Variants in FOXN3 observed in about 807,000 individuals in gnomAD.
FOXN3 encodes the protein forkhead box N3.
FOXN3 carries 7 observed loss-of-function variants against 38.4 expected under a neutral mutation model. The observed-to-expected ratio is 0.18, with a 90% CI of 0.10 to 0.34. The LOEUF is 0.34. Ranked by LOEUF, FOXN3 falls within the 10% of genes least tolerant of loss-of-function variation. FOXN3 has a pLI of 1.00. For synonymous variants in FOXN3, 230 were observed against 242.2 expected, an observed-to-expected ratio of 0.95 and a Z score of 0.47; for missense variants, 456 against 613.4, an observed-to-expected ratio of 0.74 and a Z score of 2.71.
chr14:89,389,484 TTCTCAA>T (rs1416932292), intron 2 of FOXN3, among the ~76,000 whole-genome samples: 1 of 152,196 alleles, frequency 6.6e-6, no homozygotes, highest in Non-Finnish European at 1.5e-5. Context: ...ATTTCCCTCT[TTCTCAA>T]TTGATGTGTT....
chr14:89,488,566 G>A (rs1037757169), intron 1 of FOXN3, among the ~76,000 whole-genome samples: 1 of 150,620 alleles, frequency 6.6e-6, no homozygotes, highest in African/African-American at 2.4e-5. Flanking sequence ...AGAGGGAGGA[G>A]CATCTGAACT....
At chr14:89,476,379 C>T (rs1040542882) in intron 1 of FOXN3, among the ~76,000 whole-genome samples, 18 of 152,198 alleles carry the variant, frequency 1.2e-4, no homozygotes, top group African/African-American at 4.1e-4. Context: ...CCGGCAGATG[C>T]CCCTGCTCGG....
chr14:89,329,855 CAAAAAAAAAAAAAAAAA>C (rs57791098), intron 3 of FOXN3, among the ~76,000 whole-genome samples: 1,779 of 59,982 alleles, frequency 0.03, 75 homozygotes, highest in African/African-American at 0.093. Context: ...GACTCAGTCT[CAAAAAAAAAAAAAAAAA>C]AAAAAAAAAA....
chr14:89,303,454 C>T (rs1887279003), intron 3 of FOXN3, among the ~76,000 whole-genome samples: 1 of 151,194 alleles, frequency 6.6e-6, no homozygotes, highest in African/African-American at 2.4e-5. Flanking sequence ...CAGCTCATGT[C>T]CCCAGGAGCT....
At chr14:89,479,971 A>G (rs1893288899) in intron 1 of FOXN3, among the ~76,000 whole-genome samples, 1 of 152,224 alleles carries the variant, frequency 6.6e-6, no homozygotes. Context: ...TGACTCAAGC[A>G]TACCTTTCCT....
At position 89,403,201 on chromosome 14, in the gene FOXN3, T is replaced by A. The variant is rs79874877; in HGVS notation, c.543+8733A>T. On this transcript the variant is annotated intron_variant, in intron 2 of 5. Coordinates refer to ENST00000557258, the MANE Select transcript of FOXN3 (RefSeq NM_005197.4). ...AGAATCAAATCACATTTTTTTTTTT[T>A]AATTTTTTGTTGTTGTTGGAGACAT... Among the ~76,000 whole-genome samples, 293 of 152,260 alleles carry A rather than the reference T, an allele frequency of 1.9e-3. 9 individuals carry two copies. The East Asian group carries it at 0.052, about 27-fold the overall frequency.
intron 4 of FOXN3, among the ~76,000 whole-genome samples, chr14:89,201,757 C>A (rs530398524): frequency 6.6e-6 from 1 of 152,328 alleles, no homozygotes; most frequent in African/African-American, 2.4e-5. Flanking sequence ...CTTTCCCCAA[C>A]CATCACTTCT....
intron 2 of FOXN3, chr14:89,364,369 T>C (rs1008019062): frequency 1.3e-5 from 2 of 151,582 alleles, no homozygotes; most frequent in African/African-American, 4.9e-5. Context: ...TTTTTGTTTT[T>C]GTTTTTGTTT....
intron 4 of FOXN3, among the ~76,000 whole-genome samples, chr14:89,231,627 T>A (rs1488987185): frequency 2.6e-5 from 4 of 152,104 alleles, no homozygotes; most frequent in Non-Finnish European, 4.4e-5. Flanking sequence ...CCAGCAGCTA[T>A]TCAGAAGGTC....
intron 1 of FOXN3, among the ~76,000 whole-genome samples, chr14:89,580,571 C>A (rs1272524512): frequency 2.6e-5 from 4 of 152,144 alleles, no homozygotes; most frequent in African/African-American, 9.7e-5. Flanking sequence ...AGATGGTCCC[C>A]CACCTCTGCC....
intron 4 of FOXN3, among the ~76,000 whole-genome samples, chr14:89,188,342 T>G (rs1887861677): frequency 6.6e-6 from 1 of 152,224 alleles, no homozygotes; most frequent in Non-Finnish European, 1.5e-5. Context: ...TTTCCTTTCC[T>G]ACCTATGCTC....
intron 1 of FOXN3, among the ~76,000 whole-genome samples, chr14:89,481,418 C>T (rs1455063904): frequency 6.6e-6 from 1 of 152,038 alleles, no homozygotes; most frequent in Non-Finnish European, 1.5e-5. Flanking sequence ...GGCTCGTCTT[C>T]TCATTGGTGT....
intron 1 of FOXN3, among the ~76,000 whole-genome samples, chr14:89,443,682 TC>T (rs1018383060): frequency 2.0e-5 from 3 of 151,782 alleles, no homozygotes; most frequent in Non-Finnish European, 4.4e-5. Context: ...TGAGTAGGAG[TC>T]CCTCATGGGA....
At chr14:89,234,188 G>C (rs919613195) in intron 4 of FOXN3, among the ~76,000 whole-genome samples, 3 of 152,182 alleles carry the variant, frequency 2.0e-5, no homozygotes, top group Non-Finnish European at 4.4e-5. Flanking sequence ...CGTGTACTAC[G>C]TGTATTAGTT....
chr14:89,448,307 AT>A (rs1191169237), intron 1 of FOXN3, among the ~76,000 whole-genome samples: 3 of 152,140 alleles, frequency 2.0e-5, no homozygotes, highest in Non-Finnish European at 4.4e-5. Flanking sequence ...CAAGGAGGTG[AT>A]TTGTGGGAAG....
At chr14:89,391,401 G>A (rs1382289103) in intron 2 of FOXN3, among the ~76,000 whole-genome samples, 3 of 152,134 alleles carry the variant, frequency 2.0e-5, no homozygotes, top group Non-Finnish European at 2.9e-5. Flanking sequence ...CAGGCATCCC[G>A]TCCCTCTGCC....
chr14:89,229,862 G>A (rs1328770184), intron 4 of FOXN3, among the ~76,000 whole-genome samples: 1 of 152,188 alleles, frequency 6.6e-6, no homozygotes, highest in Admixed American at 6.5e-5. Context: ...ACAAGACCTG[G>A]GCCAGCCCTG....
chr14:89,278,780 G>A (rs559743013), intron 4 of FOXN3, among the ~76,000 whole-genome samples: 7 of 152,232 alleles, frequency 4.6e-5, no homozygotes, highest in Non-Finnish European at 8.8e-5. Flanking sequence ...AGGGAAAAAC[G>A]AGGGATGTGC....
intron 3 of FOXN3, among the ~76,000 whole-genome samples, chr14:89,325,802 G>C (rs886276879): frequency 2.6e-5 from 4 of 152,192 alleles, no homozygotes; most frequent in African/African-American, 7.2e-5. Context: ...TGAGTCCCAA[G>C]ATGATGCTCT....
Sources: gnomAD v4.1 joint callset for allele counts (sites outside exome capture counted in the v4.1 genomes callset) on GRCh38, gnomAD v4.1.1 for gene constraint, MANE v1.5 for transcripts, NCBI Gene and HGNC (gene_info 2026-07-23, HGNC 2026-07-21) for gene names.